DNAH3: variants seen among roughly 807,000 people sequenced by gnomAD.
DNAH3 encodes axonemal beta dynein heavy chain 3.
A neutral mutation model predicts 432.5 loss-of-function variants in DNAH3; 332 were observed. The observed-to-expected ratio is 0.77, with a 90% confidence interval of 0.70 to 0.84. DNAH3 has a LOEUF of 0.84. Among genes scored for constraint, DNAH3 ranks in the 40% least tolerant of loss-of-function variants. The probability of loss-of-function intolerance (pLI) is 0.00; values close to 1 mark genes in which losing one functional copy is unlikely to be tolerated. For missense variants in DNAH3, 4,861 were observed against 5,114.0 expected (o/e 0.95, Z 1.51); for synonymous variants, 1,956 against 1,900.2 (o/e 1.03, Z -0.76).
chr16:21,107,640 C>T (rs2091978398), intron 14 of DNAH3, among the ~76,000 whole-genome samples: 1 of 152,144 alleles, frequency 6.6e-6, no homozygotes, highest in African/African-American at 2.4e-5. Context: ...ACTACCAGGT[C>T]TAACTGGCCA....
At chr16:21,133,198 C>G (rs1166867910) in intron 7 of DNAH3, among the ~76,000 whole-genome samples, 4 of 151,462 alleles carry the variant, frequency 2.6e-5, no homozygotes, top group Admixed American at 1.3e-4. Flanking sequence ...TCAAAAAATA[C>G]AAAAAATTAG....
intron 57 of DNAH3, among the ~76,000 whole-genome samples, chr16:20,945,216 T>C (rs998157429): frequency 2.0e-5 from 3 of 152,160 alleles, no homozygotes; most frequent in Non-Finnish European, 4.4e-5. Context: ...ACCTCACTGC[T>C]CATTACACAC....
chr16:20,986,195 G>A (rs1464017100), intron 47 of DNAH3, among the ~76,000 whole-genome samples: 1 of 150,866 alleles, frequency 6.6e-6, no homozygotes, highest in Non-Finnish European at 1.5e-5. Context: ...TGGATTTCAT[G>A]CTTGTAAAGA....
At chr16:21,067,413 C>T (rs1567731846) in exon 24 of DNAH3, 1 of 1,613,768 alleles carries the variant, frequency 6.2e-7, no homozygotes, top group East Asian at 2.2e-5. Flanking sequence ...ATCCTGTTAT[C>T]TTTCACCTGG....
chr16:21,060,175 C>A, intron 26 of DNAH3, 89 bp downstream of exon 26: 1 of 1,066,044 alleles, frequency 9.4e-7, no homozygotes, highest in South Asian at 1.3e-5. Context: ...AGCAGAGGGT[C>A]CAGCCAAACT....
At chr16:21,159,001 A>AACACACACACACAT (rs1238282095) in intron 1 of DNAH3, among the ~76,000 whole-genome samples, 1 of 137,896 alleles carries the variant, frequency 7.3e-6, no homozygotes, top group African/African-American at 2.7e-5. Context: ...GCCACCCCCC[A>AACACACACACACAT]ACACACACAC....
intron 44 of DNAH3, among the ~76,000 whole-genome samples, chr16:20,991,130 C>A (rs2086536868): frequency 2.0e-5 from 3 of 152,194 alleles, no homozygotes; most frequent in Non-Finnish European, 4.4e-5. Context: ...TTTTCTTCCT[C>A]CAAAAGTTAT....
chr16:20,955,152 C>T, intron 54 of DNAH3, 95 bp from the exon 55 acceptor site: 1 of 1,290,666 alleles, frequency 7.7e-7, no homozygotes, highest in Non-Finnish European at 1.1e-6. Flanking sequence ...ACAAAACAGA[C>T]CAGCCTGGGT....
Position 21,005,533 on chromosome 16 carries a change from C to T in DNAH3, c.6023-2326G>A, listed in dbSNP as rs142983462. ...AGCTGGGACCACAGGCACACGCCACCGCACCCAGCAAATAATTTTATTTTT... is the reference window on the plus strand; with the variant it reads ...AGCTGGGACCACAGGCACACGCCACTGCACCCAGCAAATAATTTTATTTTT... On this transcript the variant is annotated intron_variant, in intron 41 of 61. Transcript: ENST00000261383. Among the ~76,000 whole-genome samples, 884 of 152,168 alleles carry T rather than the reference C, an allele frequency of 5.8e-3. 8 individuals carry two copies. The highest frequency in any genetic ancestry group is 0.021 in the South Asian group (100 of 4,814).
chr16:21,127,934 T>A, intron 7 of DNAH3, 122 bp from the exon 9 acceptor site: 1 of 1,205,542 alleles, frequency 8.3e-7, no homozygotes, highest in Non-Finnish European at 1.2e-6. Flanking sequence ...TCAAATGAAT[T>A]ACAGGATATG....
At chr16:21,139,450 C>G (rs1361220663) in intron 5 of DNAH3, among the ~76,000 whole-genome samples, 5 of 146,028 alleles carry the variant, frequency 3.4e-5, no homozygotes, top group East Asian at 4.1e-4. Flanking sequence ...GATAGGTTGT[C>G]TTGTCCTAGA....
intron 44 of DNAH3, among the ~76,000 whole-genome samples, chr16:20,992,561 C>T (rs183026115): frequency 3.9e-5 from 6 of 152,172 alleles, no homozygotes; most frequent in Admixed American, 2.0e-4. Context: ...TTAGCCAGGT[C>T]GATCTCCTGA....
At chr16:21,006,209 T>G (rs1241314615) in intron 41 of DNAH3, among the ~76,000 whole-genome samples, 1 of 152,224 alleles carries the variant, frequency 6.6e-6, no homozygotes. Flanking sequence ...CTTGCATACT[T>G]TATTTCTCGC....
At chr16:21,033,059 T>C (rs1437526975) in intron 36 of DNAH3, among the ~76,000 whole-genome samples, 1 of 152,152 alleles carries the variant, frequency 6.6e-6, no homozygotes, top group Non-Finnish European at 1.5e-5. Context: ...CACAAACTCC[T>C]GAGCTGAAGT....
chr16:21,075,516 C>T (rs2090943469), exon 21 of DNAH3: 1 of 1,614,112 alleles, frequency 6.2e-7, no homozygotes, highest in Non-Finnish European at 8.5e-7. Flanking sequence ...CCAAGTTTTT[C>T]TCCAGAGAGT....
At chr16:21,059,276 T>C (rs2090255728) in intron 26 of DNAH3, among the ~76,000 whole-genome samples, 1 of 152,210 alleles carries the variant, frequency 6.6e-6, no homozygotes, top group African/African-American at 2.4e-5. Flanking sequence ...TTTGATAGAT[T>C]TGATTTGGAT....
chr16:20,970,726 TA>T (rs1164565997), intron 51 of DNAH3, among the ~76,000 whole-genome samples: 1 of 152,192 alleles, frequency 6.6e-6, no homozygotes, highest in Non-Finnish European at 1.5e-5. Flanking sequence ...TCATCCTCAT[TA>T]GGGGGGAAAG....
At chr16:20,949,040 A>G (rs2084188575) in intron 56 of DNAH3, among the ~76,000 whole-genome samples, 1 of 152,052 alleles carries the variant, frequency 6.6e-6, no homozygotes, top group African/African-American at 2.4e-5. Context: ...TCCCGCTGAG[A>G]GCCACTTTCT....
At chr16:20,979,466 T>C (rs377201729) in exon 50 of DNAH3, 2 of 1,614,006 alleles carry the variant, frequency 1.2e-6, no homozygotes, top group African/African-American at 2.7e-5. Context: ...GGTAACATAG[T>C]TGTGTCTTCG....
Sources: allele counts gnomAD v4.1 joint callset (sites outside exome capture counted in the v4.1 genomes callset), GRCh38; gene constraint gnomAD v4.1.1; transcripts MANE v1.5; gene names NCBI Gene and HGNC (gene_info 2026-07-23, HGNC 2026-07-21).